Variants in ZNF433 observed in about 807,000 individuals in gnomAD.
ZNF433 encodes the protein zinc finger protein 433.
In ZNF433, 12 loss-of-function variants were observed where a neutral mutation model predicts 10.6. That is an observed-to-expected ratio of 1.13 (90% CI 0.72 to 1.83). The LOEUF (loss-of-function observed/expected upper bound fraction) is 1.83, where lower values mean the gene tolerates loss of function less well. Among genes scored for constraint, ZNF433 ranks in the 40% most tolerant of loss-of-function variants. The pLI, the probability that ZNF433 is intolerant of heterozygous loss-of-function variation, is 0.00. For synonymous variants in ZNF433, 272 were observed against 271.3 expected (o/e 1.00, Z -0.02); for missense variants, 737 against 798.0 (o/e 0.92, Z 0.92).
At chr19:12,024,251 C>A (rs1974632168) in intron 1 of ZNF433, 2 of 152,220 alleles carry the variant, frequency 1.3e-5, no homozygotes, top group Non-Finnish European at 2.9e-5. Context: ...ACATTACAGC[C>A]AGGACTGCCT....
intron 1 of ZNF433, among the ~76,000 whole-genome samples, chr19:12,033,972 G>A (rs1975158831): frequency 6.6e-6 from 1 of 152,304 alleles, no homozygotes; most frequent in South Asian, 2.1e-4. Flanking sequence ...GAGGGTTTGA[G>A]ATCTCACTTC....
intron 1 of ZNF433, among the ~76,000 whole-genome samples, chr19:12,021,072 C>T (rs1312481566): frequency 1.3e-5 from 2 of 151,416 alleles, no homozygotes; most frequent in East Asian, 2.0e-4. Flanking sequence ...CCTCTGCCTC[C>T]AGGTTCAAGC....
At chr19:12,020,599 A>G (rs1217301693) in intron 1 of ZNF433, among the ~76,000 whole-genome samples, 1 of 152,080 alleles carries the variant, frequency 6.6e-6, no homozygotes, top group Non-Finnish European at 1.5e-5. Context: ...AGGAAAGCAG[A>G]AATTTAGGGA....
chr19:12,028,034 T>A (rs1281302708), intron 1 of ZNF433: 1 of 152,244 alleles, frequency 6.6e-6, no homozygotes. Flanking sequence ...TTTTATCTTT[T>A]TTTGTTTTTT....
Position 12,016,231 on chromosome 19 carries a change from C to T in ZNF433, c.627G>A (p.Leu209=), listed in dbSNP as rs778784036. ...FCGKALMFLS[L]YLIHKRTHTG... Reference sequence around the variant, plus strand: ...TGTGAGTTCGTTTGTGGATAAGATACAAACTGAGAAACATCAAGGCTTTCC... The same window carrying T: ...TGTGAGTTCGTTTGTGGATAAGATATAAACTGAGAAACATCAAGGCTTTCC... Residue 209 remains leucine (L), a synonymous_variant, in exon 4 of 4, where the codon TTG becomes TTA. Coordinates refer to ENST00000550507, the MANE Select transcript of ZNF433 (RefSeq NM_001308348.2). 1.9e-5 allele frequency: 30 copies of T among 1,614,018 alleles called. No individual in the cohort carries two copies. Among genetic ancestry groups the T allele is most frequent in the Middle Eastern group, 1.6e-4 (1 of 6,084 alleles).
Position 12,015,509 on chromosome 19 carries a change from T to G in ZNF433, c.1349A>C (p.Lys450Thr). ...ATTACTAAATGGTTTTCCACATTCC[T>G]TACATGCATAGGGTTTCTCTCCCGT... The part of the protein sequence containing the change: ...THTGEKPYAC[K>T]ECGKPFSNFS... The change falls in exon 4 of 4, where the codon AAG (lysine) becomes ACG (threonine). Residue 450 changes from lysine to threonine, a missense_variant. Transcript: ENST00000550507. 1 of 1,614,024 alleles carries G rather than the reference T, an allele frequency of 6.2e-7. No homozygotes were observed. Among genetic ancestry groups the G allele is most frequent in the Non-Finnish European group, 8.5e-7 (1 of 1,180,000 alleles).
chr19:12,017,964 T>C, intron 2 of ZNF433, 28 bp from the exon 3 acceptor site: 2 of 1,499,600 alleles, frequency 1.3e-6, no homozygotes. Context: ...GAAAATAATC[T>C]TGAATTAGTA....
intron 1 of ZNF433, among the ~76,000 whole-genome samples, chr19:12,022,639 T>G (rs1974552769): frequency 6.6e-6 from 1 of 152,048 alleles, no homozygotes. Context: ...AAGGGGAGCT[T>G]GGAAGCATCA....
In ZNF433 at chr19:12,014,748, TTTAA is replaced by T; in HGVS notation, c.*93_*96del. On this transcript the variant is annotated 3_prime_UTR_variant, in exon 4 of 4. Coordinates refer to ENST00000550507, the MANE Select transcript of ZNF433 (RefSeq NM_001308348.2). ...AACTGGAAGTCTTTTTATTTATTTATTTAATTTTTATAACAGAGTCTCACTATGT... is the reference window on the plus strand; with the variant it reads ...AACTGGAAGTCTTTTTATTTATTTATTTTTTATAACAGAGTCTCACTATGT... 1.1e-6 allele frequency: 1 copy of T among 900,314 alleles called. No homozygotes were observed. The allele number at this position is 900,314 out of a possible 1,614,324, so 55.8% of individuals were successfully genotyped here.
At chr19:12,017,391 T>TG (rs2145411281) in intron 3 of ZNF433, among the ~76,000 whole-genome samples, 1 of 151,284 alleles carries the variant, frequency 6.6e-6, no homozygotes, top group Admixed American at 6.6e-5. Flanking sequence ...TTAGTAGAGA[T>TG]GGGGTTTCAC....
intron 1 of ZNF433, among the ~76,000 whole-genome samples, chr19:12,028,452 TAAGAA>T (rs1488117444): frequency 5.9e-5 from 9 of 152,144 alleles, no homozygotes; most frequent in African/African-American, 1.4e-4. Flanking sequence ...ATGAAGAAAA[TAAGAA>T]AACAATAATT....
chr19:12,029,432 G>A (rs1974892688), intron 1 of ZNF433, among the ~76,000 whole-genome samples: 2 of 137,434 alleles, frequency 1.5e-5, no homozygotes, highest in South Asian at 4.9e-4. Context: ...GAGGCAGGGA[G>A]AATTACTTGA....
chr19:12,026,774 T>C (rs1470234537), intron 1 of ZNF433: 1 of 454,026 alleles, frequency 2.2e-6, no homozygotes, highest in South Asian at 1.6e-5. Flanking sequence ...TATTGATTGT[T>C]CCCCTAAGGG....
In ZNF433 at chr19:12,016,515, A is replaced by ATAT. The variant is rs1468025775; in HGVS notation, c.342_343insATA (p.Ser114_Ser115insIle). ...TCATCTCTGATGTGCCTATTAAGAG[A>ATAT]TGAATGAGCACTGCCTACTTCTCCA... is the stretch of plus-strand genomic sequence containing the variant. On this transcript the variant is annotated inframe_insertion, in exon 4 of 4. Coordinates refer to ENST00000550507, the MANE Select transcript of ZNF433 (RefSeq NM_001308348.2). 3 of 1,614,098 alleles carry ATAT rather than the reference A, an allele frequency of 1.9e-6. 1 individual carries two copies. The Admixed American group carries it at 5.0e-5, about 27-fold the overall frequency.
At position 12,032,184 on chromosome 19, in the gene ZNF433, C is replaced by T. The variant is rs1338251179; in HGVS notation, c.3+3353G>A. On this transcript the variant is annotated intron_variant, in intron 1 of 3. Coordinates refer to ENST00000550507, the MANE Select transcript of ZNF433 (RefSeq NM_001308348.2). ...CGATCTCCTGACTTGGTGATCTGTG[C>T]GCCTCGACCTCCCAAAGTGTTGGGA... Among the ~76,000 whole-genome samples, 16 of 151,958 alleles carry T rather than the reference C, an allele frequency of 1.1e-4. No individual in the cohort carries two copies. The East Asian group carries it at 1.2e-3, about 11-fold the overall frequency.
At position 12,015,457 on chromosome 19, in the gene ZNF433, C is replaced by G. The variant is rs372249167; in HGVS notation, c.1401G>C (p.Arg467Ser). ...CATACGGCTTCTCTTCTCTGTGCATCCTTTCATGTATTTGAAAGAAAGAGA... is the reference window on the plus strand; with the variant it reads ...CATACGGCTTCTCTTCTCTGTGCATGCTTTCATGTATTTGAAAGAAAGAGA... ...SNFSFFQIHERMHREEKPYEC... is the reference protein window; with the variant it reads ...SNFSFFQIHESMHREEKPYEC... The change falls in exon 4 of 4, where the codon AGG (arginine) becomes AGC (serine). Residue 467 changes from arginine to serine, a missense_variant. Coordinates refer to ENST00000550507, the MANE Select transcript of ZNF433 (RefSeq NM_001308348.2). 3.5e-5 allele frequency: 57 copies of G among 1,614,004 alleles called. 1 individual carries two copies. Among genetic ancestry groups the G allele is most frequent in the Admixed American group, 2.7e-4 (16 of 60,002 alleles).
intron 1 of ZNF433, chr19:12,034,867 C>T (rs946112322): frequency 3.1e-5 from 14 of 454,162 alleles, no homozygotes; most frequent in African/African-American, 2.2e-4. Context: ...CCTGCAATTC[C>T]TGTCTCCCTG....
chr19:12,030,927 T>A (rs923062863), intron 1 of ZNF433, among the ~76,000 whole-genome samples: 5 of 151,892 alleles, frequency 3.3e-5, no homozygotes, highest in African/African-American at 1.2e-4. Context: ...AATACAAAAA[T>A]TAGCTGGGTG....
At chr19:12,017,982 A>T in intron 2 of ZNF433, 46 bp from the exon 3 acceptor site, 1 of 1,416,572 alleles carries the variant, frequency 7.1e-7, no homozygotes, top group Non-Finnish European at 9.6e-7. Context: ...GTATAAAATT[A>T]TTAAAAAATT....
Sources: gnomAD v4.1 joint callset for allele counts (sites outside exome capture counted in the v4.1 genomes callset) on GRCh38, gnomAD v4.1.1 for gene constraint, MANE v1.5 for transcripts, NCBI Gene and HGNC (gene_info 2026-07-23, HGNC 2026-07-21) for gene names.